Variants in SLIT3 observed in about 807,000 individuals in gnomAD.
SLIT3 encodes slit guidance ligand 3, also known as slit homolog 3 protein.
SLIT3 carries 68 observed loss-of-function variants against 184.0 expected under a neutral mutation model. The observed-to-expected ratio is 0.37, with a 90% CI of 0.30 to 0.45. The LOEUF is 0.45. SLIT3 is among the 20% of genes least tolerant of loss of function. The pLI is 1.00. For synonymous variants in SLIT3, 831 were observed against 828.6 expected, an observed-to-expected ratio of 1.00 and a Z score of -0.05; for missense variants, 1,707 against 2,026.0, an observed-to-expected ratio of 0.84 and a Z score of 3.02.
In SLIT3 at chr5:169,159,124, C is replaced by T. The variant is rs569633044; in HGVS notation, c.413+34355G>A. Among the ~76,000 whole-genome samples, 817 of 152,030 alleles carry T rather than the reference C, an allele frequency of 5.4e-3. 6 individuals carry two copies. The highest frequency in any genetic ancestry group is 0.019 in the African/African-American group (770 of 41,458). On this transcript the variant is annotated intron_variant, in intron 4 of 35. Coordinates refer to ENST00000519560, the MANE Select transcript of SLIT3 (RefSeq NM_003062.4). ...CTGAGGCTGGGCATGGTGGCTCATG[C>T]CTGTAATCCCAGCGTTTTGGGAGGC...
chr5:169,106,044 C>G (rs551637270), intron 4 of SLIT3, among the ~76,000 whole-genome samples: 2 of 147,170 alleles, frequency 1.4e-5, no homozygotes, highest in Non-Finnish European at 3.0e-5. Flanking sequence ...CATGCTGGAG[C>G]CTGTTGGGGG....
chr5:169,217,241 C>T (rs747907609), intron 3 of SLIT3, among the ~76,000 whole-genome samples: 8 of 151,726 alleles, frequency 5.3e-5, no homozygotes, highest in Non-Finnish European at 4.4e-5. Flanking sequence ...GGTGTGAAGA[C>T]AGCAAGCAGG....
chr5:168,862,894 C>G (rs897814962), intron 5 of SLIT3, among the ~76,000 whole-genome samples: 1 of 152,134 alleles, frequency 6.6e-6, no homozygotes, highest in Admixed American at 6.5e-5. Context: ...AGGCTGGTCT[C>G]GAACCCCTGA....
chr5:169,261,656 T>C (rs1251277886), intron 1 of SLIT3, among the ~76,000 whole-genome samples: 2 of 152,140 alleles, frequency 1.3e-5, no homozygotes, highest in Non-Finnish European at 2.9e-5. Context: ...AGTAAAACAA[T>C]AGCAAAGAAG....
rs56974958 is a variant in SLIT3, at chr5:168,828,658, C to CAAAAAAAAAAAAAAAAAAAAAAA, written c.558-5328_558-5327insTTTTTTTTTTTTTTTTTTTTTTT. 1.2e-3 allele frequency among the ~76,000 whole-genome samples: 121 copies of CAAAAAAAAAAAAAAAAAAAAAAA among 96,966 alleles called. 1 individual carries two copies. Among genetic ancestry groups the CAAAAAAAAAAAAAAAAAAAAAAA allele is most frequent in the African/African-American group, 2.1e-3 (52 of 25,020 alleles). 63.6% of individuals were successfully genotyped at this position (96,966 alleles called of 152,430 possible). A position where few individuals can be genotyped will look rare whatever the true frequency, so the allele number is the denominator to read the frequency against. On this transcript the variant is annotated intron_variant, in intron 6 of 35. Coordinates refer to ENST00000519560, the MANE Select transcript of SLIT3 (RefSeq NM_003062.4). ...TGGGTGACAGAGTGAGATCCTGACT[C>CAAAAAAAAAAAAAAAAAAAAAAA]AAAAAAAAAAAAGAAAAAAGAAAAA...
chr5:169,017,116 T>C (rs2113476431), intron 4 of SLIT3, among the ~76,000 whole-genome samples: 1 of 152,380 alleles, frequency 6.6e-6, no homozygotes, highest in African/African-American at 2.4e-5. Flanking sequence ...ACTTGTCCTG[T>C]AGTCCGCCTT....
chr5:168,761,481 G>A (rs1225505128), intron 15 of SLIT3, among the ~76,000 whole-genome samples: 1 of 152,108 alleles, frequency 6.6e-6, no homozygotes, highest in Admixed American at 6.5e-5. Context: ...CACTCATCCA[G>A]GGCTTACTCT....
At chr5:169,296,086 A>G (rs1026453989) in intron 1 of SLIT3, among the ~76,000 whole-genome samples, 1 of 152,182 alleles carries the variant, frequency 6.6e-6, no homozygotes, top group Non-Finnish European at 1.5e-5. Context: ...ATAAAATCCA[A>G]ATTTTAGATA....
chr5:169,249,789 C>A (rs747856368), intron 2 of SLIT3, among the ~76,000 whole-genome samples: 18 of 152,268 alleles, frequency 1.2e-4, no homozygotes, highest in Non-Finnish European at 1.8e-4. Flanking sequence ...AGTTACTTGA[C>A]AGATACATGG....
intron 4 of SLIT3, among the ~76,000 whole-genome samples, chr5:169,150,206 C>T (rs1349874978): frequency 9.2e-5 from 14 of 152,288 alleles, no homozygotes; most frequent in African/African-American, 9.6e-5. Context: ...ATCTGCTCCC[C>T]GCTCCAACCC....
chr5:168,766,134 G>C (rs1226015886), intron 14 of SLIT3, among the ~76,000 whole-genome samples: 1 of 152,160 alleles, frequency 6.6e-6, no homozygotes, highest in Non-Finnish European at 1.5e-5. Flanking sequence ...TGCCATCAAC[G>C]GTATGCATTT....
chr5:169,222,422 G>A (rs1193063242), intron 3 of SLIT3, among the ~76,000 whole-genome samples: 1 of 152,072 alleles, frequency 6.6e-6, no homozygotes, highest in Non-Finnish European at 1.5e-5. Flanking sequence ...TCCCACCATT[G>A]CTAGTAAAGA....
At chr5:168,728,633 G>C (rs1057096042) in intron 20 of SLIT3, among the ~76,000 whole-genome samples, 2 of 151,964 alleles carry the variant, frequency 1.3e-5, no homozygotes, top group African/African-American at 4.8e-5. Flanking sequence ...AAATAAAAAA[G>C]CCAAAGCCCA....
At chr5:169,149,404 C>T (rs1762041385) in intron 4 of SLIT3, among the ~76,000 whole-genome samples, 1 of 149,362 alleles carries the variant, frequency 6.7e-6, no homozygotes, top group Admixed American at 6.7e-5. Context: ...AATTCTGTTC[C>T]TGCATCTGCA....
intron 4 of SLIT3, among the ~76,000 whole-genome samples, chr5:168,962,341 C>T (rs1581249040): frequency 6.7e-6 from 1 of 150,156 alleles, no homozygotes; most frequent in Non-Finnish European, 1.5e-5. Context: ...CACACATACA[C>T]ACACACACAG....
At chr5:168,922,166 C>G (rs1761655660) in intron 4 of SLIT3, among the ~76,000 whole-genome samples, 1 of 151,858 alleles carries the variant, frequency 6.6e-6, no homozygotes, top group East Asian at 1.9e-4. Flanking sequence ...GTATAGAACA[C>G]AAGAAGTGAG....
At chr5:168,972,376 T>TGTGTGTGTGTGTGTGTGTGA (rs1245225696) in intron 4 of SLIT3, among the ~76,000 whole-genome samples, 3 of 150,676 alleles carry the variant, frequency 2.0e-5, no homozygotes, top group Non-Finnish European at 3.0e-5. Flanking sequence ...TGTGTGTGTG[T>TGTGTGTGTGTGTGTGTGTGA]GAAGAGAGAA....
rs571074623 is a variant in SLIT3, at chr5:169,234,070, G to T, written c.341+10635C>A. Among the ~76,000 whole-genome samples, 26 of 152,300 alleles carry T rather than the reference G, an allele frequency of 1.7e-4. No individual in the cohort carries two copies. The East Asian group carries it at 2.7e-3, about 16-fold the overall frequency. ...TCTTCAGTATCTGAGAAGAGGAAAT[G>T]ACTTTTCTTATTTCTTCTGTTAATG... On this transcript the variant is annotated intron_variant, in intron 3 of 35. Coordinates refer to ENST00000519560, the MANE Select transcript of SLIT3 (RefSeq NM_003062.4).
chr5:169,289,197 A>G (rs910153385), intron 1 of SLIT3, among the ~76,000 whole-genome samples: 2 of 152,148 alleles, frequency 1.3e-5, no homozygotes, highest in Non-Finnish European at 2.9e-5. Context: ...AGGTCTTTCT[A>G]CTCATTTCGG....
Sources: allele counts gnomAD v4.1 joint callset (sites outside exome capture counted in the v4.1 genomes callset), GRCh38; gene constraint gnomAD v4.1.1; transcripts MANE v1.5; gene names NCBI Gene and HGNC (gene_info 2026-07-23, HGNC 2026-07-21).